The following GRIA4 variants were observed in gnomAD, a reference collection of about 807,000 sequenced individuals.
The protein encoded by GRIA4 is glutamate ionotropic receptor AMPA type subunit 4.
In GRIA4, 34 loss-of-function variants were observed where a neutral mutation model predicts 104.0. The ratio of observed to expected loss-of-function variants is 0.33; its 90% CI spans 0.25 to 0.44. The LOEUF (loss-of-function observed/expected upper bound fraction) is 0.44, where lower values mean the gene tolerates loss of function less well. Ranked by LOEUF, GRIA4 falls within the 20% of genes least tolerant of loss-of-function variation. GRIA4 has a pLI of 1.00. For missense variants in GRIA4, 750 were observed against 1,096.5 expected, an observed-to-expected ratio of 0.68 and a Z score of 4.46; for synonymous variants, 386 against 381.9, an observed-to-expected ratio of 1.01 and a Z score of -0.13.
intron 4 of GRIA4, among the ~76,000 whole-genome samples, chr11:105,819,119 G>A (rs1943487116): frequency 6.6e-6 from 1 of 152,126 alleles, no homozygotes; most frequent in Non-Finnish European, 1.5e-5. Flanking sequence ...GAGGCATGGT[G>A]AAACATTTAT....
intron 3 of GRIA4, among the ~76,000 whole-genome samples, chr11:105,653,060 C>T (rs766383399): frequency 5.3e-5 from 8 of 152,196 alleles, no homozygotes; most frequent in East Asian, 3.9e-4. Context: ...TACAGGCACA[C>T]GCCACCACAC....
chr11:105,621,265 C>G (rs1371340294), intron 3 of GRIA4, among the ~76,000 whole-genome samples: 1 of 151,474 alleles, frequency 6.6e-6, no homozygotes. Flanking sequence ...TATCTTAAAA[C>G]TCACACATAC....
chr11:105,643,232 T>C (rs980017752), intron 3 of GRIA4, among the ~76,000 whole-genome samples: 8 of 152,228 alleles, frequency 5.3e-5, no homozygotes, highest in African/African-American at 1.9e-4. Flanking sequence ...ATTTCAGCTA[T>C]AGATCATAGC....
At chr11:105,744,968 T>C (rs1032757537) in intron 3 of GRIA4, among the ~76,000 whole-genome samples, 1 of 152,104 alleles carries the variant, frequency 6.6e-6, no homozygotes, top group African/African-American at 2.4e-5. Flanking sequence ...TTTCTATGGA[T>C]ACAGTACATT....
chr11:105,692,268 A>G (rs1437066088), intron 3 of GRIA4, among the ~76,000 whole-genome samples: 1 of 151,936 alleles, frequency 6.6e-6, no homozygotes, highest in Admixed American at 6.6e-5. Context: ...AAAAAAAAAG[A>G]AAGTTGCCAT....
chr11:105,660,355 A>G (rs1414756540), intron 3 of GRIA4, among the ~76,000 whole-genome samples: 2 of 151,736 alleles, frequency 1.3e-5, no homozygotes, highest in Non-Finnish European at 3.0e-5. Flanking sequence ...CATAAAAAGT[A>G]TTGAATGTCC....
At chr11:105,681,216 A>G (rs1048811064) in intron 3 of GRIA4, among the ~76,000 whole-genome samples, 15 of 152,300 alleles carry the variant, frequency 9.8e-5, no homozygotes, top group African/African-American at 3.4e-4. Context: ...GCGGGAGAAA[A>G]CAATAGTTTT....
At chr11:105,760,149 T>C (rs986066349) in intron 4 of GRIA4, among the ~76,000 whole-genome samples, 2 of 152,140 alleles carry the variant, frequency 1.3e-5, no homozygotes, top group Admixed American at 6.6e-5. Flanking sequence ...CTTCTTTTGG[T>C]TCATTGCTTC....
At chr11:105,774,069 G>A (rs1017360200) in intron 4 of GRIA4, among the ~76,000 whole-genome samples, 5 of 151,364 alleles carry the variant, frequency 3.3e-5, no homozygotes, top group South Asian at 2.1e-4. Flanking sequence ...TATATATTAA[G>A]TACCATCAAA....
intron 4 of GRIA4, among the ~76,000 whole-genome samples, chr11:105,779,553 G>A (rs1941619637): frequency 6.6e-6 from 1 of 152,080 alleles, no homozygotes. Context: ...GTTAGTGGGT[G>A]CAGCGCACCA....
At chr11:105,881,178 G>A (rs535802487) in intron 5 of GRIA4, among the ~76,000 whole-genome samples, 2 of 152,072 alleles carry the variant, frequency 1.3e-5, no homozygotes, top group Non-Finnish European at 2.9e-5. Flanking sequence ...AAACACTTAG[G>A]AATCATGTCA....
intron 4 of GRIA4, among the ~76,000 whole-genome samples, chr11:105,793,161 G>A (rs1210238908): frequency 6.6e-6 from 1 of 152,114 alleles, no homozygotes; most frequent in African/African-American, 2.4e-5. Context: ...GCTGACTTCT[G>A]GAGATGTAAA....
At chr11:105,948,993 A>AAG (rs762653525) in intron 14 of GRIA4, among the ~76,000 whole-genome samples, 5 of 152,172 alleles carry the variant, frequency 3.3e-5, no homozygotes, top group Non-Finnish European at 5.9e-5. Flanking sequence ...AAGTTTAGTT[A>AAG]AGAGTATCAC....
intron 3 of GRIA4, among the ~76,000 whole-genome samples, chr11:105,624,549 T>G (rs1950836171): frequency 6.6e-6 from 1 of 152,138 alleles, no homozygotes; most frequent in African/African-American, 2.4e-5. Flanking sequence ...CATGAGCAAT[T>G]TGTTAGTTTC....
At chr11:105,888,781 GC>G (rs1479575451) in intron 6 of GRIA4, among the ~76,000 whole-genome samples, 1 of 152,054 alleles carries the variant, frequency 6.6e-6, no homozygotes, top group African/African-American at 2.4e-5. Context: ...TTAAAATACA[GC>G]AAAATACTGT....
At chr11:105,742,163 T>C (rs1182977118) in intron 3 of GRIA4, among the ~76,000 whole-genome samples, 1 of 152,134 alleles carries the variant, frequency 6.6e-6, no homozygotes, top group Admixed American at 6.5e-5. Context: ...ATAAGCTACT[T>C]CATGTGTTCT....
chr11:105,917,262 A>G (rs611352), intron 10 of GRIA4, among the ~76,000 whole-genome samples: 26,045 of 152,162 alleles, frequency 0.17, 2,381 homozygotes, highest in Admixed American at 0.24. Flanking sequence ...TGGGTCATTT[A>G]GCCATGCCAA....
At chr11:105,931,582 G>A (rs546174880) in intron 13 of GRIA4, among the ~76,000 whole-genome samples, 1 of 152,072 alleles carries the variant, frequency 6.6e-6, no homozygotes, top group South Asian at 2.1e-4. Flanking sequence ...GCGGGTTTCT[G>A]TAATCACAGG....
At chr11:105,682,584 A>C (rs1952745805) in intron 3 of GRIA4, among the ~76,000 whole-genome samples, 2 of 152,200 alleles carry the variant, frequency 1.3e-5, no homozygotes. Context: ...TCTTAGATAG[A>C]AGTATGGTCA....
Sources: gnomAD v4.1 joint callset for allele counts (sites outside exome capture counted in the v4.1 genomes callset) on GRCh38, gnomAD v4.1.1 for gene constraint, MANE v1.5 for transcripts, NCBI Gene and HGNC (gene_info 2026-07-23, HGNC 2026-07-21) for gene names.